The following TRIM37 variants were observed in gnomAD, a reference collection of about 807,000 sequenced individuals.
TRIM37 encodes tripartite motif containing 37, also known as E3 ubiquitin-protein ligase TRIM37.
A neutral mutation model predicts 129.8 loss-of-function variants in TRIM37; 80 were observed. The ratio of observed to expected loss-of-function variants is 0.62; its 90% CI spans 0.51 to 0.74. The LOEUF is 0.74. Ranked by LOEUF, TRIM37 falls within the 30% of genes least tolerant of loss-of-function variation. The pLI, the probability that TRIM37 is intolerant of heterozygous loss-of-function variation, is 0.00. For synonymous variants in TRIM37, 389 were observed against 387.1 expected (o/e 1.00, Z -0.06); for missense variants, 1,054 against 1,176.5 (o/e 0.90, Z 1.52).
chr17:59,007,215 C>CACA (rs2034628030), intron 22 of TRIM37, among the ~76,000 whole-genome samples: 9 of 17,376 alleles, frequency 5.2e-4, no homozygotes, highest in South Asian at 0.011. Context: ...ACTAAAACCA[C>CACA]CCCACCCCCA....
chr17:59,081,948 A>C lies in TRIM37; in HGVS notation c.370-729T>G, dbSNP rs557292500. On this transcript the variant is annotated intron_variant, in intron 5 of 23. Coordinates refer to ENST00000262294, the MANE Select transcript of TRIM37 (RefSeq NM_015294.6). ...TTAATAATAAAAACCAAAAAAAAAA[A>C]AAAATAAAAAAAAAAAAATAATAAT... 4.9e-5 allele frequency among the ~76,000 whole-genome samples: 6 copies of C among 123,346 alleles called. 1 individual carries two copies. The South Asian group carries it at 1.5e-3, about 31-fold the overall frequency. The allele number at this position is 123,346 out of a possible 152,430, so 80.9% of individuals were successfully genotyped here.
chr17:59,025,788 A>G (rs1014005528), intron 19 of TRIM37, among the ~76,000 whole-genome samples: 1 of 152,154 alleles, frequency 6.6e-6, no homozygotes, highest in Non-Finnish European at 1.5e-5. Context: ...ATATGTAACA[A>G]AGGCTTTTTG....
At chr17:58,988,118 CAG>C (rs1037552456) in intron 24 of TRIM37, among the ~76,000 whole-genome samples, 7 of 152,140 alleles carry the variant, frequency 4.6e-5, no homozygotes, top group African/African-American at 1.4e-4. Context: ...TCGTTGTAAA[CAG>C]ACACTGGAAA....
At chr17:59,087,192 C>G (rs2043833104) in intron 4 of TRIM37, among the ~76,000 whole-genome samples, 1 of 151,996 alleles carries the variant, frequency 6.6e-6, no homozygotes, top group Admixed American at 6.6e-5. Flanking sequence ...GCCTCCTGGG[C>G]TCAAGCGATT....
Position 58,999,234 on chromosome 17 carries a change from CA to C in TRIM37, c.*142del. The stretch of plus-strand genomic sequence containing the variant: ...TAGACTAAACTGTGCCACCTTCCAA[CA>C]GTTTCCAAATTACTATTTCAGGTCG... On this transcript the variant is annotated 3_prime_UTR_variant, in exon 24 of 24. Coordinates refer to ENST00000262294, the MANE Select transcript of TRIM37 (RefSeq NM_015294.6). The C allele has an allele frequency of 6.4e-7, 1 of 1,567,958 alleles. No individual in the cohort carries two copies. Among genetic ancestry groups the C allele is most frequent in the Non-Finnish European group, 8.6e-7 (1 of 1,158,908 alleles).
intron 24 of TRIM37, chr17:58,984,539 CTT>C (rs769108441): frequency 9.8e-5 from 15 of 152,522 alleles, no homozygotes; most frequent in Non-Finnish European, 2.2e-4. Flanking sequence ...TTTGTCCACA[CTT>C]TAATTTGAGA....
intron 1 of TRIM37, among the ~76,000 whole-genome samples, chr17:59,105,432 G>C (rs8067264): frequency 0.65 from 99,097 of 152,026 alleles, 32,933 homozygotes; most frequent in African/African-American, 0.77. Context: ...ACAGTATTAT[G>C]TTTGCAAGCC....
chr17:59,089,015 A>C (rs1490695642), intron 3 of TRIM37, among the ~76,000 whole-genome samples: 1 of 151,988 alleles, frequency 6.6e-6, no homozygotes. Context: ...TAATCCCAGC[A>C]CTTTGGGAGG....
At chr17:59,077,129 C>T (rs1218802307) in intron 7 of TRIM37, among the ~76,000 whole-genome samples, 4 of 151,892 alleles carry the variant, frequency 2.6e-5, no homozygotes, top group Admixed American at 2.6e-4. Context: ...GGGTCTCATT[C>T]TGTTGCCCAG....
intron 20 of TRIM37, among the ~76,000 whole-genome samples, chr17:59,016,319 G>A (rs565340061): frequency 5.3e-5 from 8 of 150,626 alleles, no homozygotes; most frequent in South Asian, 2.1e-4. Flanking sequence ...ACTTGAACAC[G>A]GCGGGCGGAG....
chr17:58,994,797 G>A (rs2032815881), downstream of TRIM37, among the ~76,000 whole-genome samples: 1 of 149,456 alleles, frequency 6.7e-6, no homozygotes, highest in African/African-American at 2.5e-5. Flanking sequence ...TGCCCAGGCT[G>A]GAGTGCAAAT....
At chr17:58,970,603 C>T in the TRIM37 span, among the ~76,000 whole-genome samples, 1 of 152,044 alleles carries the variant, frequency 6.6e-6, no homozygotes, top group Non-Finnish European at 1.5e-5. Context: ...AATAATGGGG[C>T]TTAGAATTAA....
At chr17:59,060,107 C>A (rs565467232) in intron 12 of TRIM37, among the ~76,000 whole-genome samples, 2 of 152,194 alleles carry the variant, frequency 1.3e-5, no homozygotes, top group African/African-American at 4.8e-5. Context: ...TTGTCCAATG[C>A]GCTCTAGCTG....
chr17:59,039,536 G>A (rs1237300911), intron 17 of TRIM37, among the ~76,000 whole-genome samples: 1 of 152,056 alleles, frequency 6.6e-6, no homozygotes, highest in African/African-American at 2.4e-5. Flanking sequence ...TAGTAGAGAG[G>A]GGGTTCCATC....
At chr17:59,035,185 G>A (rs974083506) in intron 17 of TRIM37, among the ~76,000 whole-genome samples, 10 of 151,776 alleles carry the variant, frequency 6.6e-5, no homozygotes, top group South Asian at 2.1e-4. Context: ...TCAGCCTCCC[G>A]AGTAGCTGGG....
intron 8 of TRIM37, among the ~76,000 whole-genome samples, chr17:59,071,380 G>A (rs949900767): frequency 1.6e-4 from 24 of 151,332 alleles, no homozygotes; most frequent in African/African-American, 5.8e-4. Context: ...CCGCCTCCTG[G>A]GTTCAAGCGA....
chr17:59,070,306 G>A (rs756283649), intron 9 of TRIM37, among the ~76,000 whole-genome samples: 8 of 152,124 alleles, frequency 5.3e-5, no homozygotes, highest in South Asian at 4.1e-4. Flanking sequence ...ATAACATGGC[G>A]TCACCTTCAA....
At chr17:58,972,478 G>C in the TRIM37 span, among the ~76,000 whole-genome samples, 3 of 152,048 alleles carry the variant, frequency 2.0e-5, no homozygotes, top group African/African-American at 4.8e-5. Context: ...AGCCTCCCGA[G>C]TAGCTGGGAT....
chr17:59,098,911 C>T (rs2045181936), intron 2 of TRIM37, among the ~76,000 whole-genome samples: 1 of 152,044 alleles, frequency 6.6e-6, no homozygotes, highest in African/African-American at 2.4e-5. Context: ...AGGCTAGGCG[C>T]GGTGGCTCAA....
Sources: allele counts gnomAD v4.1 joint callset (sites outside exome capture counted in the v4.1 genomes callset), GRCh38; gene constraint gnomAD v4.1.1; transcripts MANE v1.5; gene names NCBI Gene and HGNC (gene_info 2026-07-23, HGNC 2026-07-21).